ANO6: variants seen among roughly 807,000 people sequenced by gnomAD.
ANO6 encodes anoctamin 6, also known as anoctamin-6.
In ANO6, 106 loss-of-function variants were observed where a neutral mutation model predicts 117.5. The observed-to-expected ratio is 0.90, with a 90% CI of 0.77 to 1.06. The LOEUF (loss-of-function observed/expected upper bound fraction) is 1.06. Ranked by LOEUF, ANO6 falls within the 50% of genes least tolerant of loss-of-function variation. The probability of loss-of-function intolerance (pLI) is 0.00; values close to 1 mark genes in which losing one functional copy is unlikely to be tolerated. For synonymous variants in ANO6, 367 were observed against 385.1 expected, an observed-to-expected ratio of 0.95 and a Z score of 0.55; for missense variants, 955 against 1,121.1, an observed-to-expected ratio of 0.85 and a Z score of 2.12.
intron 19 of ANO6, 149 bp from the exon 20 acceptor site, chr12:45,428,956 A>G (rs1044322997): frequency 2.3e-6 from 2 of 860,650 alleles, no homozygotes; most frequent in Non-Finnish European, 3.7e-6. Flanking sequence ...ACTGTTGATT[A>G]GACACAATGG....
chr12:45,372,712 CACTA>C (rs1394122595), intron 9 of ANO6, among the ~76,000 whole-genome samples: 1 of 152,052 alleles, frequency 6.6e-6, no homozygotes, highest in East Asian at 1.9e-4. Flanking sequence ...CTGAAGGAAG[CACTA>C]AACATGGAAA....
intron 2 of ANO6, among the ~76,000 whole-genome samples, chr12:45,319,868 T>G (rs1474133349): frequency 2.0e-5 from 3 of 152,242 alleles, no homozygotes; most frequent in African/African-American, 4.8e-5. Context: ...GTCCAGGAAT[T>G]TATCCATTTC....
chr12:45,296,514 G>GTTTTTTTCT (rs1274056309), intron 1 of ANO6, among the ~76,000 whole-genome samples: 1 of 151,644 alleles, frequency 6.6e-6, no homozygotes, highest in African/African-American at 2.4e-5. Context: ...TCACTACATT[G>GTTTTTTTCT]TTTTTTTCTT....
chr12:45,382,318 C>T (rs1220945933), intron 10 of ANO6, among the ~76,000 whole-genome samples: 3 of 152,136 alleles, frequency 2.0e-5, no homozygotes, highest in Non-Finnish European at 4.4e-5. Flanking sequence ...ATCTTCCAGC[C>T]TAATTTTAAC....
chr12:45,343,861 A>G (rs1941050277), intron 3 of ANO6, among the ~76,000 whole-genome samples: 1 of 151,920 alleles, frequency 6.6e-6, no homozygotes, highest in African/African-American at 2.4e-5. Context: ...CATCTCTGGA[A>G]CTGGCATTTG....
At chr12:45,253,860 A>C (rs571208069) in intron 1 of ANO6, among the ~76,000 whole-genome samples, 3 of 152,334 alleles carry the variant, frequency 2.0e-5, no homozygotes, top group African/African-American at 7.2e-5. Flanking sequence ...TCCATGTAAT[A>C]ATTCACCATT....
intron 2 of ANO6, among the ~76,000 whole-genome samples, chr12:45,305,346 T>G (rs958974430): frequency 6.6e-6 from 1 of 152,246 alleles, no homozygotes; most frequent in African/African-American, 2.4e-5. Flanking sequence ...CAATGAAATC[T>G]GTTTTATAAC....
chr12:45,430,256 A>G lies in ANO6; in HGVS notation c.*945A>G. The G allele has an allele frequency of 1.0e-6, 1 of 985,466 alleles. No individual in the cohort carries two copies. The allele number at this position is 985,466 out of a possible 1,614,324, so 61.0% of individuals were successfully genotyped here. ...ATTTTCTACCAGTTGACTTTTATTCATTAGATACAGAAGGTGCAGTATTAC... is the reference window on the plus strand; with the variant it reads ...ATTTTCTACCAGTTGACTTTTATTCGTTAGATACAGAAGGTGCAGTATTAC... On this transcript the variant is annotated 3_prime_UTR_variant, in exon 20 of 20. Coordinates refer to ENST00000320560, the MANE Select transcript of ANO6 (RefSeq NM_001025356.3).
chr12:45,301,423 C>A (rs564591699), intron 1 of ANO6, among the ~76,000 whole-genome samples: 3 of 151,500 alleles, frequency 2.0e-5, no homozygotes, highest in Non-Finnish European at 4.4e-5. Flanking sequence ...TAGGGATACC[C>A]CTGTCTCTAC....
rs66945216 is a variant in ANO6 at position 45,424,327 on chromosome 12, G to GTTTTTTTTT, written c.2526+1285_2526+1293dup. Among the ~76,000 whole-genome samples, 141 of 81,272 alleles carry GTTTTTTTTT rather than the reference G, an allele frequency of 1.7e-3. 18 individuals carry two copies. Among genetic ancestry groups the GTTTTTTTTT allele is most frequent in the African/African-American group, 5.8e-3 (117 of 20,282 alleles). The allele number at this position is 81,272 out of a possible 152,430, so 53.3% of individuals were successfully genotyped here. A position where few individuals can be genotyped will look rare whatever the true frequency, so the allele number is the denominator to read the frequency against. On this transcript the variant is annotated intron_variant, in intron 19 of 19. Coordinates refer to ENST00000320560, the MANE Select transcript of ANO6 (RefSeq NM_001025356.3). ...AGAGAGAGGGAAAACTAGGTGATGG[G>GTTTTTTTTT]TTTTTTTTTTTTTTTTTTTTTTTTT...
chr12:45,419,268 C>T (rs1943293645), intron 17 of ANO6, among the ~76,000 whole-genome samples: 2 of 152,180 alleles, frequency 1.3e-5, no homozygotes, highest in Non-Finnish European at 2.9e-5. Flanking sequence ...CAGAGCAGCT[C>T]AATTCAGGAA....
At chr12:45,326,856 T>C (rs995099798) in intron 2 of ANO6, among the ~76,000 whole-genome samples, 1 of 152,192 alleles carries the variant, frequency 6.6e-6, no homozygotes, top group African/African-American at 2.4e-5. Context: ...TTGGATTGCT[T>C]GGTGCAAGCA....
chr12:45,301,209 TTA>T (rs1272542184), intron 1 of ANO6, among the ~76,000 whole-genome samples: 1 of 147,402 alleles, frequency 6.8e-6, no homozygotes, highest in Non-Finnish European at 1.5e-5. Flanking sequence ...GTTAAATAAA[TTA>T]TGTTATTAAA....
At chr12:45,323,681 C>G (rs1940358617) in intron 2 of ANO6, among the ~76,000 whole-genome samples, 1 of 152,064 alleles carries the variant, frequency 6.6e-6, no homozygotes. Context: ...TAAAGAGATA[C>G]AATATACACA....
chr12:45,323,643 C>A (rs1435081301), intron 2 of ANO6, among the ~76,000 whole-genome samples: 2 of 152,096 alleles, frequency 1.3e-5, no homozygotes, highest in Non-Finnish European at 2.9e-5. Context: ...TATGATTTTC[C>A]CTTTTTACAA....
At chr12:45,232,925 C>G (rs1405864375) in intron 1 of ANO6, among the ~76,000 whole-genome samples, 2 of 152,118 alleles carry the variant, frequency 1.3e-5, no homozygotes, top group East Asian at 3.9e-4. Context: ...TGTGTAGCTT[C>G]CGGAAGTTTC....
At chr12:45,229,501 TG>T (rs1947541074) in intron 1 of ANO6, among the ~76,000 whole-genome samples, 1 of 149,566 alleles carries the variant, frequency 6.7e-6, no homozygotes, top group Non-Finnish European at 1.5e-5. Flanking sequence ...GCGAGTCTCC[TG>T]CCTCAGCCTC....
chr12:45,330,068 C>T (rs1309837027), intron 2 of ANO6, among the ~76,000 whole-genome samples: 2 of 152,030 alleles, frequency 1.3e-5, no homozygotes, highest in Non-Finnish European at 2.9e-5. Context: ...GCTGTTTGTG[C>T]TTAGAATTCC....
chr12:45,439,796 A>C, exon 20 of ANO6: 1 of 1,550,848 alleles, frequency 6.4e-7, no homozygotes. Flanking sequence ...CTTTTGGAAC[A>C]ACTAACTTCT....
Sources: gnomAD v4.1 joint callset for allele counts (sites outside exome capture counted in the v4.1 genomes callset) on GRCh38, gnomAD v4.1.1 for gene constraint, MANE v1.5 for transcripts, NCBI Gene and HGNC (gene_info 2026-07-23, HGNC 2026-07-21) for gene names.